The following KDM1B variants were observed in gnomAD, a reference collection of about 807,000 sequenced individuals.
The protein encoded by KDM1B is lysine demethylase 1B, also known as lysine-specific histone demethylase 2.
In KDM1B, 63 loss-of-function variants were observed where a neutral mutation model predicts 107.4. The observed-to-expected ratio is 0.59, with a 90% CI of 0.48 to 0.72. The LOEUF is 0.72. Among genes scored for constraint, KDM1B ranks in the 30% least tolerant of loss-of-function variants. KDM1B has a pLI of 0.00. For missense variants in KDM1B, 749 were observed against 1,020.8 expected, an observed-to-expected ratio of 0.73 and a Z score of 3.63; for synonymous variants, 363 against 363.9, an observed-to-expected ratio of 1.00 and a Z score of 0.03.
At chr6:18,216,821 G>A (rs988750289) in intron 20 of KDM1B, among the ~76,000 whole-genome samples, 2 of 152,126 alleles carry the variant, frequency 1.3e-5, no homozygotes, top group African/African-American at 4.8e-5. Flanking sequence ...ATTAATCTCT[G>A]TACCTAATGT....
chr6:18,197,120 T>C lies in KDM1B; in HGVS notation c.1033T>C (p.Cys345Arg). 1.9e-6 allele frequency: 3 copies of C among 1,614,130 alleles called. No homozygotes were observed. Among genetic ancestry groups the C allele is most frequent in the African/African-American group, 1.3e-5 (1 of 75,028 alleles). ...CGTCCGGGGTCTCGTGCGTATTCGA[T>C]GCGTTCAGGAAGTGGAGAGAATACT... ...IIVRGLVRIR[C>R]VQEVERILYF... Residue 345 changes from cysteine to arginine, a missense_variant, in exon 11 of 22, where the codon TGC (cysteine) becomes CGC (arginine). By Grantham distance (180) the Cys-to-Arg change is radical. Transcript: ENST00000650836. The surrounding 1 kb of genome is among the most constrained non-coding windows in gnomAD (Gnocchi z 4.5).
chr6:18,202,333 A>G (rs183341), intron 14 of KDM1B, among the ~76,000 whole-genome samples: 29,013 of 151,492 alleles, frequency 0.19, 4,871 homozygotes, highest in African/African-American at 0.45. Flanking sequence ...TGAGGAGGTT[A>G]AGGTTCCAGT....
intron 20 of KDM1B, among the ~76,000 whole-genome samples, chr6:18,215,902 C>T (rs868392855): frequency 6.6e-6 from 1 of 151,992 alleles, no homozygotes; most frequent in South Asian, 2.1e-4. Flanking sequence ...CTTTTCTCCA[C>T]GGAGCTCAGG....
Position 18,188,928 on chromosome 6 carries a change from C to T in KDM1B, c.784+926C>T, listed in dbSNP as rs1002215854. The stretch of plus-strand genomic sequence containing the variant: ...TCTCCCGAGTAGCTGGGATTACAAG[C>T]GCATGCTACCACACCTGGCTAATTT... On this transcript the variant is annotated intron_variant, in intron 9 of 21. Coordinates refer to ENST00000650836, the MANE Select transcript of KDM1B (RefSeq NM_001364614.2). Among the ~76,000 whole-genome samples the T allele has an allele frequency of 1.2e-4, 18 of 152,078 alleles. 1 individual carries two copies. The highest frequency in any genetic ancestry group is 4.1e-4 in the African/African-American group (17 of 41,478).
intron 12 of KDM1B, among the ~76,000 whole-genome samples, chr6:18,198,330 C>T (rs1787787568): frequency 1.3e-5 from 2 of 151,856 alleles, no homozygotes; most frequent in African/African-American, 4.8e-5. Context: ...TTCTGAAATA[C>T]TCAGTTCTAA....
chr6:18,164,010 C>G (rs1258244762), intron 5 of KDM1B, among the ~76,000 whole-genome samples: 1 of 152,120 alleles, frequency 6.6e-6, no homozygotes, highest in African/African-American at 2.4e-5. Flanking sequence ...TTACTCCTAC[C>G]TGATCTTTCA....
intron 2 of KDM1B, among the ~76,000 whole-genome samples, chr6:18,157,406 C>A (rs1331569808): frequency 6.6e-6 from 1 of 151,996 alleles, no homozygotes; most frequent in Non-Finnish European, 1.5e-5. Context: ...GCATTAAGTA[C>A]CTATTTTCTA....
In KDM1B at chr6:18,200,349, A is replaced by G; in HGVS notation, c.1222-90A>G. On this transcript the variant is annotated intron_variant, in intron 12 of 21. Coordinates refer to ENST00000650836, the MANE Select transcript of KDM1B (RefSeq NM_001364614.2). This position sits in a 1 kb window ranked among gnomAD's most constrained non-coding sequence, Gnocchi z 4.3. ...TTGGAATTAACCAAATATAGAGGCT[A>G]TTTAACAGTGTCCTTCTACATTTTT... The G allele has an allele frequency of 3.2e-6, 4 of 1,266,024 alleles. No individual in the cohort carries two copies. The highest frequency in any genetic ancestry group is 4.4e-6 in the Non-Finnish European group (4 of 911,560). The allele number at this position is 1,266,024 out of a possible 1,614,324, so 78.4% of individuals were successfully genotyped here.
At chr6:18,158,989 A>G (rs540509598) in intron 2 of KDM1B, among the ~76,000 whole-genome samples, 2 of 152,148 alleles carry the variant, frequency 1.3e-5, no homozygotes, top group African/African-American at 4.8e-5. Flanking sequence ...TTTTTTTGAG[A>G]TGGAGTCTTG....
intron 8 of KDM1B, 83 bp downstream of exon 8, chr6:18,185,893 A>G: frequency 7.7e-7 from 1 of 1,294,998 alleles, no homozygotes; most frequent in South Asian, 1.2e-5. Flanking sequence ...TAACAGCTTC[A>G]TGAATTTCTT....
At position 18,201,495 on chromosome 6, in the gene KDM1B, A is replaced by G; in HGVS notation, c.1369A>G (p.Ser457Gly). The G allele has an allele frequency of 1.3e-6, 2 of 1,546,828 alleles. No homozygotes were observed. The highest frequency in any genetic ancestry group is 1.7e-6 in the Non-Finnish European group (2 of 1,145,192). The change falls in exon 14 of 22, where the codon AGC (serine) becomes GGC (glycine). Residue 457 changes from serine (S) to glycine (G), a missense_variant. Coordinates refer to ENST00000650836, the MANE Select transcript of KDM1B (RefSeq NM_001364614.2). This position sits in a 1 kb window ranked among gnomAD's most constrained non-coding sequence, Gnocchi z 4.3. ...TCTTATTATTTTGAAGCTTGGCATC[A>G]GCATGCATAAATTTGGAGAAAGATG... ...VALMCEQLGISMHKFGERCDL... is the reference protein window; with the variant it reads ...VALMCEQLGIGMHKFGERCDL...
rs181095298 is a variant in KDM1B at position 18,217,578 on chromosome 6, C to T, written c.2233-155C>T. ...ATTTTTAGTAGAGATGGGGTTTCACCGTGTTAGCCAGGATCGTCTCGATCT... is the reference window on the plus strand; with the variant it reads ...ATTTTTAGTAGAGATGGGGTTTCACTGTGTTAGCCAGGATCGTCTCGATCT... On this transcript the variant is annotated intron_variant, in intron 20 of 21. Coordinates refer to ENST00000650836, the MANE Select transcript of KDM1B (RefSeq NM_001364614.2). Among the ~76,000 whole-genome samples, 20 of 152,044 alleles carry T rather than the reference C, an allele frequency of 1.3e-4. No homozygotes were observed. The East Asian group carries it at 3.5e-3, about 27-fold the overall frequency.
chr6:18,213,500 A>G lies in KDM1B; in HGVS notation c.1984-156A>G, dbSNP rs945343026. Among the ~76,000 whole-genome samples, 3 of 151,998 alleles carry G rather than the reference A, an allele frequency of 2.0e-5. No homozygotes were observed. Among genetic ancestry groups the G allele is most frequent in the Non-Finnish European group, 2.9e-5 (2 of 67,986 alleles). On this transcript the variant is annotated intron_variant, in intron 18 of 21. Coordinates refer to ENST00000650836, the MANE Select transcript of KDM1B (RefSeq NM_001364614.2). The surrounding 1 kb of genome is among the most constrained non-coding windows in gnomAD (Gnocchi z 5.9). ...AACAACCAAGGAGTTCACAGGGGGA[A>G]AAAAGGAGGTGAGGAGAATGGAAAG...
chr6:18,222,049 G>A lies in KDM1B; in HGVS notation c.*57G>A, dbSNP rs1362964849. The A allele has an allele frequency of 6.8e-7, 1 of 1,471,242 alleles. No homozygotes were observed. Among genetic ancestry groups the A allele is most frequent in the Admixed American group, 1.7e-5 (1 of 59,840 alleles). The allele number at this position is 1,471,242 out of a possible 1,614,324, so 91.1% of individuals were successfully genotyped here. Reference sequence around the variant, plus strand: ...CCAGATGGGGAAATTTGAATCACATGTTAAACCTCAGTTTTATAAGAGGGG... The same window carrying A: ...CCAGATGGGGAAATTTGAATCACATATTAAACCTCAGTTTTATAAGAGGGG... On this transcript the variant is annotated 3_prime_UTR_variant, in exon 22 of 22. Coordinates refer to ENST00000650836, the MANE Select transcript of KDM1B (RefSeq NM_001364614.2).
At chr6:18,165,839 AT>A (rs1785263240) in intron 5 of KDM1B, among the ~76,000 whole-genome samples, 2 of 152,200 alleles carry the variant, frequency 1.3e-5, no homozygotes, top group African/African-American at 2.4e-5. Context: ...ATTTAAAAAA[AT>A]AATAAAAAAA....
In KDM1B at chr6:18,209,701, G is replaced by A. The variant is rs970347896; in HGVS notation, c.1866+1495G>A. On this transcript the variant is annotated intron_variant, in intron 17 of 21. Coordinates refer to ENST00000650836, the MANE Select transcript of KDM1B (RefSeq NM_001364614.2). This position sits in a 1 kb window ranked among gnomAD's most constrained non-coding sequence, Gnocchi z 4.3. ...GCTCACTGTAGCCTCGAGCAACTGG[G>A]TTCAAGGGATCCTCTCACCTGAGCC... Among the ~76,000 whole-genome samples, 1 of 152,124 alleles carries A rather than the reference G, an allele frequency of 6.6e-6. No individual in the cohort carries two copies. The highest frequency in any genetic ancestry group is 2.4e-5 in the African/African-American group (1 of 41,434).
At chr6:18,157,671 TGAAGA>T (rs369722935) in intron 2 of KDM1B, among the ~76,000 whole-genome samples, 5,618 of 151,740 alleles carry the variant, frequency 0.037, 111 homozygotes, top group Middle Eastern at 0.071. Flanking sequence ...TATATATAAA[TGAAGA>T]GATTTGTATA....
rs1789952187 is a variant in KDM1B, at chr6:18,223,510, T to C, written c.*1518T>C. On this transcript the variant is annotated 3_prime_UTR_variant, in exon 22 of 22. Transcript: ENST00000650836. ...CATGTATTAAAATGTTTAGACAGCA[T>C]GTGTTTTAAAGTGATAAATGCAAAA... is the stretch of plus-strand genomic sequence containing the variant. 1 of 152,192 alleles carries C rather than the reference T, an allele frequency of 6.6e-6. No homozygotes were observed. Among genetic ancestry groups the C allele is most frequent in the Admixed American group, 6.5e-5 (1 of 15,284 alleles). 9.4% of individuals were successfully genotyped at this position (152,192 alleles called of 1,614,324 possible). A position where few individuals can be genotyped will look rare whatever the true frequency, so the allele number is the denominator to read the frequency against.
intron 5 of KDM1B, among the ~76,000 whole-genome samples, chr6:18,163,374 T>G (rs1244266527): frequency 1.3e-5 from 2 of 152,206 alleles, no homozygotes; most frequent in Admixed American, 1.3e-4. Context: ...AGTTATTTCT[T>G]GAGTCAAAGT....
Sources: allele counts gnomAD v4.1 joint callset (sites outside exome capture counted in the v4.1 genomes callset), GRCh38; gene constraint gnomAD v4.1.1; non-coding constraint Gnocchi (gnomAD v3.1); transcripts MANE v1.5; gene names NCBI Gene and HGNC (gene_info 2026-07-23, HGNC 2026-07-21).